EPHB1: variants seen among roughly 807,000 people sequenced by gnomAD.
EPHB1 encodes the protein ephrin type-B receptor 1.
A neutral mutation model predicts 94.4 loss-of-function variants in EPHB1; 30 were observed. That is an observed-to-expected ratio of 0.32 (90% CI 0.24 to 0.43). The LOEUF (loss-of-function observed/expected upper bound fraction) is 0.43, where lower values mean the gene tolerates loss of function less well. Ranked by LOEUF, EPHB1 falls within the 20% of genes least tolerant of loss-of-function variation. The pLI is 1.00. For missense variants in EPHB1, 1,055 were observed against 1,308.3 expected (o/e 0.81, Z 2.99); for synonymous variants, 522 against 489.1 (o/e 1.07, Z -0.89).
chr3:134,834,430 T>G (rs989146389), intron 1 of EPHB1, among the ~76,000 whole-genome samples: 5 of 152,038 alleles, frequency 3.3e-5, no homozygotes, highest in African/African-American at 1.2e-4. Flanking sequence ...TGACTCTGGA[T>G]AGTCTTTTGG....
intron 6 of EPHB1, among the ~76,000 whole-genome samples, chr3:135,159,068 C>T (rs376843402): frequency 5.6e-4 from 86 of 152,284 alleles, no homozygotes; most frequent in African/African-American, 1.7e-3. Context: ...ACAAGCATTG[C>T]GCTGCATATT....
chr3:135,050,444 AC>A (rs1576346036), intron 3 of EPHB1, among the ~76,000 whole-genome samples: 2 of 152,172 alleles, frequency 1.3e-5, no homozygotes, highest in African/African-American at 4.8e-5. Context: ...ATATTGCAAC[AC>A]TGACAAGTGT....
At chr3:134,824,125 CTTTTTTTTTTT>C (rs373504139) in intron 1 of EPHB1, among the ~76,000 whole-genome samples, 2,466 of 100,946 alleles carry the variant, frequency 0.024, 80 homozygotes, top group South Asian at 0.11. Context: ...GGATAATGCC[CTTTTTTTTTTT>C]TTTTTTTTTT....
At position 134,951,406 on chromosome 3, in the gene EPHB1, C is replaced by A. The variant is rs2107715277; in HGVS notation, c.159C>A (p.Asn53Lys). The change falls in exon 3 of 16, where the codon AAC becomes AAA. Residue 53 changes from asparagine (N) to lysine (K), a missense_variant. Coordinates refer to ENST00000398015, the MANE Select transcript of EPHB1 (RefSeq NM_004441.5). The surrounding 1 kb of genome is among the most constrained non-coding windows in gnomAD (Gnocchi z 4.5). ...TCAGTGGCTACGATGAAAACCTGAACACCATCCGCACCTACCAGGTGTGCA... is the reference window on the plus strand; with the variant it reads ...TCAGTGGCTACGATGAAAACCTGAAAACCATCCGCACCTACCAGGTGTGCA... The part of the protein sequence containing the change: ...EEVSGYDENL[N>K]TIRTYQVCNV... 1 of 1,584,106 alleles carries A rather than the reference C, an allele frequency of 6.3e-7. No individual in the cohort carries two copies. Among genetic ancestry groups the A allele is most frequent in the Non-Finnish European group, 8.6e-7 (1 of 1,163,000 alleles).
chr3:135,041,709 G>T (rs67339216), intron 3 of EPHB1, among the ~76,000 whole-genome samples: 14,690 of 152,086 alleles, frequency 0.097, 1,245 homozygotes, highest in African/African-American at 0.23. Flanking sequence ...AGTCATTTTG[G>T]GCTGCTGTAA....
intron 3 of EPHB1, among the ~76,000 whole-genome samples, chr3:134,993,303 G>A (rs1214607845): frequency 1.3e-5 from 2 of 152,168 alleles, no homozygotes; most frequent in Non-Finnish European, 2.9e-5. Flanking sequence ...GCCTCAGAGG[G>A]GACAGCTAAA....
At chr3:135,055,264 A>G (rs1394729474) in intron 3 of EPHB1, among the ~76,000 whole-genome samples, 3 of 152,238 alleles carry the variant, frequency 2.0e-5, no homozygotes, top group African/African-American at 7.2e-5. Flanking sequence ...AACACTTCAA[A>G]GAACATATTG....
rs146016300 is a variant in EPHB1 at position 134,935,684 on chromosome 3, T to C, written c.123+9804T>C. The stretch of plus-strand genomic sequence containing the variant: ...GTACTAGTGGTAACAACGACTCTTG[T>C]TCGAAAGACCTAACTTGTATGGGAT... On this transcript the variant is annotated intron_variant, in intron 2 of 15. Coordinates refer to ENST00000398015, the MANE Select transcript of EPHB1 (RefSeq NM_004441.5). Among the ~76,000 whole-genome samples the C allele has an allele frequency of 2.0e-3, 301 of 152,292 alleles. 2 individuals are homozygous for C. The highest frequency in any genetic ancestry group is 6.9e-3 in the African/African-American group (288 of 41,544).
rs574289422 is a variant in EPHB1, at chr3:135,220,899, A to C, written c.2346+19210A>C. On this transcript the variant is annotated intron_variant, in intron 12 of 15. Transcript: ENST00000398015. The stretch of plus-strand genomic sequence containing the variant: ...TTCATAGATTTTCATACTGTCTCTT[A>C]GAGGTGCATGTTTTGGGCACAAAAT... Among the ~76,000 whole-genome samples, 12 of 152,312 alleles carry C rather than the reference A, an allele frequency of 7.9e-5. No individual in the cohort carries two copies. The East Asian group carries it at 2.3e-3, about 29-fold the overall frequency.
At chr3:134,930,841 G>A (rs1215572499) in intron 2 of EPHB1, among the ~76,000 whole-genome samples, 1 of 152,144 alleles carries the variant, frequency 6.6e-6, no homozygotes, top group Non-Finnish European at 1.5e-5. Context: ...TTTTAAGCCT[G>A]TGGGGCTTTG....
intron 15 of EPHB1, among the ~76,000 whole-genome samples, chr3:135,258,261 TGTGTTTGCA>T (rs1933502383): frequency 6.6e-6 from 1 of 152,220 alleles, no homozygotes; most frequent in East Asian, 1.9e-4. Flanking sequence ...TTATCATCAT[TGTGTTTGCA>T]GTGGTTTCTC....
intron 5 of EPHB1, 22 bp downstream of exon 5, chr3:135,133,071 C>A (rs1390479416): frequency 6.4e-7 from 1 of 1,553,668 alleles, no homozygotes; most frequent in South Asian, 1.2e-5. Context: ...GGCTTCTGTG[C>A]TCCTGTTTGG....
chr3:135,154,319 C>A (rs1941288420), intron 6 of EPHB1, 43 bp downstream of exon 6: 4 of 1,611,166 alleles, frequency 2.5e-6, no homozygotes, highest in Non-Finnish European at 1.7e-6. Context: ...CCAAGGCCAG[C>A]CACTGTTCCA....
chr3:134,862,249 G>A (rs751472315), intron 1 of EPHB1, among the ~76,000 whole-genome samples: 1 of 152,186 alleles, frequency 6.6e-6, no homozygotes, highest in East Asian at 1.9e-4. Context: ...AACAGTTGGT[G>A]CAGGTTTGGG....
intron 1 of EPHB1, among the ~76,000 whole-genome samples, chr3:134,882,818 C>CTTTCTTTCTTTCTTTCTTTCT (rs1450733032): frequency 5.8e-4 from 66 of 114,246 alleles, no homozygotes; most frequent in Non-Finnish European, 6.2e-4. Flanking sequence ...TTCTTTCTTT[C>CTTTCTTTCTTTCTTTCTTTCT]TTTCTTTTCT....
At chr3:134,921,874 G>A (rs2038694029) in intron 1 of EPHB1, among the ~76,000 whole-genome samples, 2 of 152,184 alleles carry the variant, frequency 1.3e-5, no homozygotes, top group Non-Finnish European at 2.9e-5. Flanking sequence ...AGAGAGAGAT[G>A]GAGAGAGACA....
At chr3:135,218,571 G>A (rs933142396) in intron 12 of EPHB1, among the ~76,000 whole-genome samples, 4 of 152,230 alleles carry the variant, frequency 2.6e-5, no homozygotes, top group African/African-American at 9.6e-5. Context: ...ACAGGGGTGT[G>A]ATATGCAAAG....
At chr3:134,965,643 A>G (rs575869324) in intron 3 of EPHB1, among the ~76,000 whole-genome samples, 1 of 152,300 alleles carries the variant, frequency 6.6e-6, no homozygotes, top group African/African-American at 2.4e-5. Flanking sequence ...TGATTTTTTC[A>G]GTCATTTTCT....
intron 3 of EPHB1, among the ~76,000 whole-genome samples, chr3:134,980,847 A>G (rs1559781446): frequency 6.6e-6 from 1 of 152,174 alleles, no homozygotes; most frequent in African/African-American, 2.4e-5. Context: ...AAGTCATAAC[A>G]TTGTATCACC....
Sources: gnomAD v4.1 joint callset for allele counts (sites outside exome capture counted in the v4.1 genomes callset) on GRCh38, gnomAD v4.1.1 for gene constraint, Gnocchi (gnomAD v3.1) non-coding constraint, MANE v1.5 for transcripts, NCBI Gene and HGNC (gene_info 2026-07-23, HGNC 2026-07-21) for gene names.